Variants in AKAP6 observed in about 807,000 individuals in gnomAD.
AKAP6 encodes A-kinase anchor protein 6.
AKAP6 carries 58 observed loss-of-function variants against 188.5 expected under a neutral mutation model. The observed-to-expected ratio is 0.31, with a 90% CI of 0.25 to 0.38. The LOEUF is 0.38. Among genes scored for constraint, AKAP6 ranks in the 10% least tolerant of loss-of-function variants. The pLI, the probability that AKAP6 is intolerant of heterozygous loss-of-function variation, is 1.00. For synonymous variants in AKAP6, 989 were observed against 998.6 expected (o/e 0.99, Z 0.18); for missense variants, 2,710 against 2,740.0 (o/e 0.99, Z 0.24).
intron 2 of AKAP6, among the ~76,000 whole-genome samples, chr14:32,494,101 A>T (rs1414130786): frequency 6.6e-6 from 1 of 152,182 alleles, no homozygotes; most frequent in Non-Finnish European, 1.5e-5. Flanking sequence ...CATTCACGAC[A>T]GATTAATTTA....
rs1890191418 is a variant in AKAP6 at position 32,430,767 on chromosome 14, C to G, written c.-34-2693C>G. Among the ~76,000 whole-genome samples, 3 of 152,268 alleles carry G rather than the reference C, an allele frequency of 2.0e-5. No individual in the cohort carries two copies. In the South Asian group the frequency reaches 6.2e-4, roughly 32 times the overall value. Reference sequence around the variant, plus strand: ...CCTTCTATAGCATTGTGATTCTAAACTTACCCCCAGAGGGCAGTGGGTCGA... The same window carrying G: ...CCTTCTATAGCATTGTGATTCTAAAGTTACCCCCAGAGGGCAGTGGGTCGA... On this transcript the variant is annotated intron_variant, in intron 1 of 13. Coordinates refer to ENST00000280979, the MANE Select transcript of AKAP6 (RefSeq NM_004274.5).
intron 2 of AKAP6, among the ~76,000 whole-genome samples, chr14:32,523,031 A>G (rs1881927959): frequency 6.6e-6 from 1 of 152,194 alleles, no homozygotes; most frequent in East Asian, 1.9e-4. Context: ...TTGTAGGGAC[A>G]TGGATGAAGC....
chr14:32,347,315 A>G (rs1245204660), intron 1 of AKAP6, among the ~76,000 whole-genome samples: 1 of 152,192 alleles, frequency 6.6e-6, no homozygotes, highest in African/African-American at 2.4e-5. Context: ...TGTCTTGAAT[A>G]CGTTTAATTT....
At chr14:32,600,892 T>C in intron 7 of AKAP6, 100 bp downstream of exon 7, 1 of 1,160,282 alleles carries the variant, frequency 8.6e-7, no homozygotes, top group Non-Finnish European at 1.2e-6. Context: ...TTTTTGTTTC[T>C]ACTGGGTAAA....
At chr14:32,339,929 G>A (rs910489208) in intron 1 of AKAP6, among the ~76,000 whole-genome samples, 3 of 151,042 alleles carry the variant, frequency 2.0e-5, no homozygotes, top group Non-Finnish European at 4.4e-5. Context: ...TATTCTAAAT[G>A]TCATACTTTT....
intron 2 of AKAP6, among the ~76,000 whole-genome samples, chr14:32,468,276 GA>G (rs1566521619): frequency 6.6e-6 from 1 of 152,150 alleles, no homozygotes; most frequent in Admixed American, 6.6e-5. Context: ...GACATATTCA[GA>G]AGAGCTAGTT....
chr14:32,593,421 A>C (rs1885567319), intron 5 of AKAP6, among the ~76,000 whole-genome samples: 1 of 152,182 alleles, frequency 6.6e-6, no homozygotes, highest in African/African-American at 2.4e-5. Flanking sequence ...ACTGCTCTTC[A>C]CAGAGCTCTT....
chr14:32,786,296 A>ATGGTTTTTTTTTTTTT, intron 12 of AKAP6, among the ~76,000 whole-genome samples: 2 of 93,718 alleles, frequency 2.1e-5, no homozygotes, highest in African/African-American at 8.2e-5. Context: ...CTAAACCTTT[A>ATGGTTTTTTTTTTTTT]TCTTTTTTTT....
At chr14:32,476,623 C>T (rs1000664380) in intron 2 of AKAP6, among the ~76,000 whole-genome samples, 6 of 152,092 alleles carry the variant, frequency 3.9e-5, no homozygotes, top group Admixed American at 6.5e-5. Flanking sequence ...GACACCGGGC[C>T]GCAAGTTGAA....
intron 12 of AKAP6, among the ~76,000 whole-genome samples, chr14:32,778,624 G>T (rs1402358274): frequency 6.6e-6 from 1 of 151,944 alleles, no homozygotes; most frequent in Non-Finnish European, 1.5e-5. Context: ...ATGGCTCACT[G>T]TAGCCTTGAC....
intron 2 of AKAP6, among the ~76,000 whole-genome samples, chr14:32,503,522 T>G (rs932919574): frequency 1.5e-4 from 22 of 151,164 alleles, no homozygotes; most frequent in African/African-American, 4.6e-4. Flanking sequence ...ACTTACAGGG[T>G]TTTTTTTTCT....
intron 2 of AKAP6, among the ~76,000 whole-genome samples, chr14:32,491,210 T>TA (rs1202181806): frequency 6.6e-6 from 1 of 152,192 alleles, no homozygotes; most frequent in South Asian, 2.1e-4. Flanking sequence ...AATGAAGAGT[T>TA]ATTTATCCTA....
At chr14:32,590,688 A>C (rs574561956) in intron 5 of AKAP6, among the ~76,000 whole-genome samples, 20 of 152,274 alleles carry the variant, frequency 1.3e-4, no homozygotes, top group African/African-American at 4.8e-4. Context: ...ACATCTCTAG[A>C]GGGAAAAATA....
intron 12 of AKAP6, among the ~76,000 whole-genome samples, chr14:32,785,091 G>T (rs1234342706): frequency 6.6e-6 from 1 of 152,092 alleles, no homozygotes. Context: ...AGTTAGACTG[G>T]ATTGAATTAG....
chr14:32,782,284 A>G (rs963212857), intron 12 of AKAP6, among the ~76,000 whole-genome samples: 7 of 151,784 alleles, frequency 4.6e-5, no homozygotes, highest in Admixed American at 2.6e-4. Flanking sequence ...TCCACAGCTA[A>G]GAAACAGTTA....
chr14:32,467,894 GT>G lies in AKAP6; in HGVS notation c.324+34080del, dbSNP rs1250428006. ...ATTTTCTTGGTTTTATTTGCTTTTA[GT>G]TTCTATTTTCTTCTTTTTTCACCTT... is the stretch of plus-strand genomic sequence containing the variant. On this transcript the variant is annotated intron_variant, in intron 2 of 13. Transcript: ENST00000280979. Among the ~76,000 whole-genome samples, 6 of 151,862 alleles carry G rather than the reference GT, an allele frequency of 4.0e-5. 1 individual carries two copies. The highest frequency in any genetic ancestry group is 6.8e-3 in the Middle Eastern group (2 of 294).
At chr14:32,556,817 A>G (rs965536955) in intron 4 of AKAP6, among the ~76,000 whole-genome samples, 2 of 151,926 alleles carry the variant, frequency 1.3e-5, no homozygotes, top group African/African-American at 2.4e-5. Context: ...CATAACCGAG[A>G]ATTCACTGCC....
Position 32,771,670 on chromosome 14 carries a change from AC to A in AKAP6, c.3373-2006del, listed in dbSNP as rs540583212. ...TGTGGCCTGTGCTAACTCTGCACAT[AC>A]CTTTAGTGCCATCCATTGCAAATTT... On this transcript the variant is annotated intron_variant, in intron 11 of 13. Transcript: ENST00000280979. Among the ~76,000 whole-genome samples, 148 of 152,304 alleles carry A rather than the reference AC, an allele frequency of 9.7e-4. 2 individuals carry two copies. The highest frequency in any genetic ancestry group is 3.1e-3 in the African/African-American group (129 of 41,572).
chr14:32,756,735 C>T (rs894986154), intron 11 of AKAP6, among the ~76,000 whole-genome samples: 1 of 152,062 alleles, frequency 6.6e-6, no homozygotes. Context: ...GGCTGGTTCC[C>T]CAGTAGCTGT....
Sources: gnomAD v4.1 joint callset for allele counts (sites outside exome capture counted in the v4.1 genomes callset) on GRCh38, gnomAD v4.1.1 for gene constraint, MANE v1.5 for transcripts, NCBI Gene and HGNC (gene_info 2026-07-23, HGNC 2026-07-21) for gene names.